FRY: variants seen among roughly 807,000 people sequenced by gnomAD.
FRY encodes the protein protein furry homolog.
A neutral mutation model predicts 348.4 loss-of-function variants in FRY; 128 were observed. The observed-to-expected ratio is 0.37, with a 90% confidence interval of 0.32 to 0.43. The LOEUF (loss-of-function observed/expected upper bound fraction) is 0.43. FRY is among the 20% of genes least tolerant of loss of function. The pLI is 1.00. For synonymous variants in FRY, 1,370 were observed against 1,374.7 expected (o/e 1.00, Z 0.08); for missense variants, 2,736 against 3,695.2 (o/e 0.74, Z 6.73).
intron 51 of FRY, among the ~76,000 whole-genome samples, chr13:32,259,485 T>C (rs1421068141): frequency 6.6e-6 from 1 of 152,228 alleles, no homozygotes; most frequent in Admixed American, 6.5e-5. Flanking sequence ...CAGTGACCTG[T>C]GCCTGGTATA....
chr13:32,058,342 A>G (rs1401545134), intron 1 of FRY, among the ~76,000 whole-genome samples: 1 of 152,232 alleles, frequency 6.6e-6, no homozygotes, highest in Non-Finnish European at 1.5e-5. Context: ...GTTGCATAAA[A>G]TGCTATCATA....
chr13:32,122,729 T>C (rs1425209819), intron 4 of FRY, among the ~76,000 whole-genome samples: 1 of 152,100 alleles, frequency 6.6e-6, no homozygotes, highest in African/African-American at 2.4e-5. Flanking sequence ...TCCATATAAG[T>C]AAAGAAGAAG....
chr13:32,249,508 G>A lies in FRY; in HGVS notation c.7009-18G>A, dbSNP rs777731060. Reference sequence around the variant, plus strand: ...AAACCATTGAGACAGAATAATGTGCGTTTGTCTTCTTCTCAAGACTCCAAT... The same window carrying A: ...AAACCATTGAGACAGAATAATGTGCATTTGTCTTCTTCTCAAGACTCCAAT... On this transcript the variant is annotated intron_variant, in intron 48 of 60. Transcript: ENST00000542859. 7.9e-5 allele frequency: 127 copies of A among 1,613,518 alleles called. No individual in the cohort carries two copies. In the Admixed American group the frequency reaches 8.2e-4, roughly 10 times the overall value.
Position 32,294,519 on chromosome 13 carries a change from G to A in FRY, c.8732G>A (p.Cys2911Tyr). ...GCAGCCATCCAGTCCATGCTGGAGT[G>A]CCTGAAGAACAACGAACTCGGCAAA... ...TEAAIQSMLECLKNNELGKAL... is the reference protein window; with the variant it reads ...TEAAIQSMLEYLKNNELGKAL... Residue 2911 changes from cysteine (C) to tyrosine (Y), a missense_variant, in exon 60 of 61, where the codon TGC (cysteine) becomes TAC (tyrosine). Physicochemically the swap from Cys to Tyr is radical, Grantham distance 194. Around this residue, in one of 9 missense-constraint regions of FRY, gnomAD observed 157 missense variants for 215.2 expected, o/e 0.73. Coordinates refer to ENST00000542859, the MANE Select transcript of FRY (RefSeq NM_023037.3). The A allele has an allele frequency of 6.2e-7, 1 of 1,614,158 alleles. No homozygotes were observed. Among genetic ancestry groups the A allele is most frequent in the Non-Finnish European group, 8.5e-7 (1 of 1,179,998 alleles).
chr13:32,207,247 AT>A (rs747912113), intron 31 of FRY, among the ~76,000 whole-genome samples: 2 of 151,744 alleles, frequency 1.3e-5, no homozygotes, highest in Admixed American at 6.6e-5. Context: ...TGTTTTTGGG[AT>A]TTTTTCCCCC....
intron 23 of FRY, 144 bp downstream of exon 23, chr13:32,179,943 G>T: frequency 1.3e-6 from 1 of 799,630 alleles, no homozygotes; most frequent in South Asian, 1.5e-5. Context: ...CATCGTCTTG[G>T]TTGATGTGCA....
chr13:32,174,755 A>G (rs112087737), intron 19 of FRY, among the ~76,000 whole-genome samples: 37 of 152,182 alleles, frequency 2.4e-4, no homozygotes, highest in Admixed American at 7.2e-4. Flanking sequence ...TGTCATTCAC[A>G]CAGAAATAGA....
At chr13:32,247,590 C>T in intron 48 of FRY, 88 bp downstream of exon 48, 1 of 1,036,028 alleles carries the variant, frequency 9.7e-7, no homozygotes, top group Non-Finnish European at 1.5e-6. Context: ...AAAAAGAAGA[C>T]TTATTTGACA....
In FRY at chr13:32,031,816, G is replaced by T. The variant is rs745743930; in HGVS notation, c.21G>T (p.Ser7=). The part of the protein sequence containing the change: MASQQD[S]GFFEISIKYL... ...CAGACATGGCCAGCCAGCAGGATTC[G>T]GGCTTCTTTGAGATCAGTATCAAAT... is the stretch of plus-strand genomic sequence containing the variant. Residue 7 remains serine, a synonymous_variant, in exon 1 of 61, where the codon TCG becomes TCT. Coordinates refer to ENST00000542859, the MANE Select transcript of FRY (RefSeq NM_023037.3). 1 of 1,607,208 alleles carries T rather than the reference G, an allele frequency of 6.2e-7. No individual in the cohort carries two copies. Among genetic ancestry groups the T allele is most frequent in the Non-Finnish European group, 8.5e-7 (1 of 1,175,188 alleles).
intron 2 of FRY, among the ~76,000 whole-genome samples, chr13:32,093,144 A>C (rs7988248): frequency 0.23 from 34,651 of 152,084 alleles, 4,557 homozygotes; most frequent in Non-Finnish European, 0.3. Flanking sequence ...CTAGAAACAA[A>C]ATCATCTCAT....
intron 3 of FRY, among the ~76,000 whole-genome samples, chr13:32,109,923 G>C (rs1045839730): frequency 2.6e-5 from 4 of 152,166 alleles, no homozygotes; most frequent in Non-Finnish European, 5.9e-5. Flanking sequence ...CTAGAAAAAG[G>C]GTAGTTTGGA....
At position 32,124,284 on chromosome 13, in the gene FRY, A is replaced by AATCTC; in HGVS notation, c.465-2_465-1insATCTC. 1 of 1,552,538 alleles carries AATCTC rather than the reference A, an allele frequency of 6.4e-7. No homozygotes were observed. Among genetic ancestry groups the AATCTC allele is most frequent in the Non-Finnish European group, 8.9e-7 (1 of 1,123,882 alleles). On this transcript the variant is annotated splice_acceptor_variant, in intron 4 of 60. Coordinates refer to ENST00000542859, the MANE Select transcript of FRY (RefSeq NM_023037.3). LOFTEE classifies it high-confidence loss of function. ...TTAATGTAAATATTTTAAATTTTAC[A>AATCTC]GCGATGAACAACAGCGAGATTATTT...
chr13:32,048,794 A>G (rs1873166191), intron 1 of FRY, among the ~76,000 whole-genome samples: 1 of 152,188 alleles, frequency 6.6e-6, no homozygotes, highest in African/African-American at 2.4e-5. Flanking sequence ...AAAAATCTGA[A>G]TATAAAGATT....
intron 2 of FRY, among the ~76,000 whole-genome samples, chr13:32,082,446 T>C (rs1875560655): frequency 1.3e-5 from 2 of 152,190 alleles, no homozygotes; most frequent in Admixed American, 1.3e-4. Flanking sequence ...TTATCATTAT[T>C]TCACCTTTCC....
At chr13:32,220,585 G>A (rs116384540) in intron 36 of FRY, among the ~76,000 whole-genome samples, 1,559 of 152,282 alleles carry the variant, frequency 0.01, 25 homozygotes, top group African/African-American at 0.034. Flanking sequence ...ATGGAGAGTT[G>A]GTTCAAGAAA....
chr13:32,197,834 C>T (rs757936648), intron 29 of FRY, among the ~76,000 whole-genome samples: 43 of 152,314 alleles, frequency 2.8e-4, no homozygotes, highest in Non-Finnish European at 4.4e-4. Flanking sequence ...TTCAACATCT[C>T]CTCTCTTCTA....
At chr13:32,064,602 T>C (rs1359811298) in intron 1 of FRY, among the ~76,000 whole-genome samples, 4 of 152,178 alleles carry the variant, frequency 2.6e-5, no homozygotes, top group Non-Finnish European at 5.9e-5. Flanking sequence ...ATAGTCAATA[T>C]GTGAATAAAT....
chr13:32,209,965 G>T (rs1180550225), intron 33 of FRY, among the ~76,000 whole-genome samples: 1 of 152,222 alleles, frequency 6.6e-6, no homozygotes, highest in African/African-American at 2.4e-5. Flanking sequence ...TTGGGACGCA[G>T]AAACCTATTG....
At chr13:32,099,903 G>T (rs1460966032) in intron 2 of FRY, among the ~76,000 whole-genome samples, 2 of 151,896 alleles carry the variant, frequency 1.3e-5, no homozygotes, top group Non-Finnish European at 2.9e-5. Flanking sequence ...TTCTGTAGTA[G>T]ACTCTTGTTA....
Sources: allele counts gnomAD v4.1 joint callset (sites outside exome capture counted in the v4.1 genomes callset), GRCh38; gene constraint gnomAD v4.1.1; regional missense constraint gnomAD v4.1.1; transcripts MANE v1.5; gene names NCBI Gene and HGNC (gene_info 2026-07-23, HGNC 2026-07-21).